The following LDLRAD3 variants were observed in gnomAD, a reference collection of about 807,000 sequenced individuals.
The protein encoded by LDLRAD3 is low density lipoprotein receptor class A domain containing 3.
LDLRAD3 carries 20 observed loss-of-function variants against 29.4 expected under a neutral mutation model. The ratio of observed to expected loss-of-function variants is 0.68; its 90% CI spans 0.48 to 0.99. The LOEUF (loss-of-function observed/expected upper bound fraction) is 0.99. Among genes scored for constraint, LDLRAD3 ranks in the 50% least tolerant of loss-of-function variants. The pLI is 0.00. For synonymous variants in LDLRAD3, 157 were observed against 192.7 expected (o/e 0.81, Z 1.53); for missense variants, 420 against 454.3 (o/e 0.92, Z 0.69).
intron 4 of LDLRAD3, among the ~76,000 whole-genome samples, chr11:36,117,445 G>C (rs1853691343): frequency 6.6e-6 from 1 of 152,214 alleles, no homozygotes. Context: ...ACACTCGTTT[G>C]CTGACTTCTG....
At chr11:36,084,590 G>A (rs189786942) in intron 3 of LDLRAD3, among the ~76,000 whole-genome samples, 501 of 152,286 alleles carry the variant, frequency 3.3e-3, no homozygotes, top group Non-Finnish European at 4.4e-3. Context: ...ATACTTCAGA[G>A]TAATCAAATA....
intron 1 of LDLRAD3, among the ~76,000 whole-genome samples, chr11:35,947,605 A>G (rs1851074271): frequency 6.6e-6 from 1 of 152,170 alleles, no homozygotes; most frequent in Non-Finnish European, 1.5e-5. Context: ...CCTGTGTGTG[A>G]GATGCTTTGC....
chr11:36,130,633 C>T (rs1853912336), intron 4 of LDLRAD3, among the ~76,000 whole-genome samples: 1 of 152,198 alleles, frequency 6.6e-6, no homozygotes, highest in Non-Finnish European at 1.5e-5. Flanking sequence ...CTGTTCTCCT[C>T]AACCCTGGTC....
intron 4 of LDLRAD3, among the ~76,000 whole-genome samples, chr11:36,124,439 A>G (rs1387775554): frequency 6.6e-6 from 1 of 152,220 alleles, no homozygotes; most frequent in Non-Finnish European, 1.5e-5. Flanking sequence ...ATATAAGGGT[A>G]GTGAGACCCA....
At chr11:36,016,838 C>G (rs1360860505) in intron 1 of LDLRAD3, among the ~76,000 whole-genome samples, 1 of 152,188 alleles carries the variant, frequency 6.6e-6, no homozygotes, top group African/African-American at 2.4e-5. Flanking sequence ...TGTGGCTATT[C>G]TTCCGTGTCA....
intron 1 of LDLRAD3, among the ~76,000 whole-genome samples, chr11:36,033,413 C>A (rs1001727666): frequency 6.6e-6 from 1 of 152,168 alleles, no homozygotes; most frequent in African/African-American, 2.4e-5. Context: ...TTGTCAAGTC[C>A]ATGTGCCGCC....
At chr11:36,223,905 G>A (rs1855463120) in intron 4 of LDLRAD3, among the ~76,000 whole-genome samples, 6 of 151,638 alleles carry the variant, frequency 4.0e-5, no homozygotes, top group Admixed American at 3.9e-4. Flanking sequence ...AAAATCTAGT[G>A]TTCATTAGTG....
intron 3 of LDLRAD3, among the ~76,000 whole-genome samples, chr11:36,084,698 G>C (rs1226084030): frequency 6.6e-6 from 1 of 152,070 alleles, no homozygotes; most frequent in African/African-American, 2.4e-5. Context: ...ATGAAAAATG[G>C]GTCTAGGTAA....
intron 2 of LDLRAD3, among the ~76,000 whole-genome samples, chr11:36,072,151 G>A (rs1238386211): frequency 1.3e-5 from 2 of 152,218 alleles, no homozygotes; most frequent in African/African-American, 4.8e-5. Context: ...AGGGGTTGAA[G>A]GTGAGTAGCT....
chr11:36,036,971 G>A (rs1852313208), intron 2 of LDLRAD3, among the ~76,000 whole-genome samples: 1 of 152,134 alleles, frequency 6.6e-6, no homozygotes, highest in Admixed American at 6.5e-5. Context: ...GAGTTGAGAG[G>A]GGTCCGTGGT....
intron 1 of LDLRAD3, among the ~76,000 whole-genome samples, chr11:35,985,777 C>A (rs1248682418): frequency 1.3e-5 from 2 of 151,986 alleles, no homozygotes; most frequent in Admixed American, 1.3e-4. Flanking sequence ...TGCCTTTGCT[C>A]CTCCTTCACC....
intron 4 of LDLRAD3, among the ~76,000 whole-genome samples, chr11:36,122,606 G>T (rs1423651669): frequency 2.6e-5 from 4 of 152,106 alleles, no homozygotes; most frequent in African/African-American, 9.7e-5. Flanking sequence ...ACTGTTTTAG[G>T]TGCTGGGAAA....
intron 4 of LDLRAD3, among the ~76,000 whole-genome samples, chr11:36,225,927 G>A (rs948548693): frequency 5.9e-5 from 9 of 152,038 alleles, no homozygotes; most frequent in Non-Finnish European, 1.0e-4. Flanking sequence ...AAGTAGCTGA[G>A]CATGGTGGCA....
At chr11:36,064,314 A>T (rs959561946) in intron 2 of LDLRAD3, among the ~76,000 whole-genome samples, 6 of 151,770 alleles carry the variant, frequency 4.0e-5, no homozygotes, top group East Asian at 1.9e-4. Flanking sequence ...TTTTTAAAAA[A>T]TTTTTGAGAC....
intron 3 of LDLRAD3, among the ~76,000 whole-genome samples, chr11:36,083,452 A>C (rs1275615358): frequency 6.6e-6 from 1 of 152,206 alleles, no homozygotes; most frequent in Non-Finnish European, 1.5e-5. Flanking sequence ...ATGAGACACT[A>C]TTCATATTTA....
At chr11:36,127,051 A>G (rs1448318595) in intron 4 of LDLRAD3, among the ~76,000 whole-genome samples, 2 of 152,210 alleles carry the variant, frequency 1.3e-5, no homozygotes, top group South Asian at 2.1e-4. Context: ...AGTTTTTTAC[A>G]CTGAGCACAT....
chr11:36,065,371 G>C (rs1203125910), intron 2 of LDLRAD3, among the ~76,000 whole-genome samples: 2 of 152,090 alleles, frequency 1.3e-5, no homozygotes, highest in Non-Finnish European at 2.9e-5. Flanking sequence ...AGCCTCCCAG[G>C]CTATTCTAAT....
At chr11:36,069,882 G>A (rs1378715624) in intron 2 of LDLRAD3, among the ~76,000 whole-genome samples, 5 of 152,104 alleles carry the variant, frequency 3.3e-5, no homozygotes, top group African/African-American at 1.2e-4. Flanking sequence ...ATTAATATTA[G>A]TGGAATGAAA....
chr11:36,041,540 A>G (rs1425718957), intron 2 of LDLRAD3, among the ~76,000 whole-genome samples: 1 of 152,356 alleles, frequency 6.6e-6, no homozygotes, highest in African/African-American at 2.4e-5. Context: ...TCTTATAGAA[A>G]TGAATATTTA....
Sources: allele counts gnomAD v4.1 joint callset (sites outside exome capture counted in the v4.1 genomes callset), GRCh38; gene constraint gnomAD v4.1.1; transcripts MANE v1.5; gene names NCBI Gene and HGNC (gene_info 2026-07-23, HGNC 2026-07-21).